Variants in ITPKB observed in about 807,000 individuals in gnomAD.
ITPKB encodes the protein inositol-trisphosphate 3-kinase B, also known as IP3 3-kinase B.
In ITPKB, 13 loss-of-function variants were observed where a neutral mutation model predicts 69.4. That is an observed-to-expected ratio of 0.19 (90% CI 0.12 to 0.30). The LOEUF (loss-of-function observed/expected upper bound fraction) is 0.30. Ranked by LOEUF, ITPKB falls within the 10% of genes least tolerant of loss-of-function variation. The pLI is 1.00. For missense variants in ITPKB, 1,240 were observed against 1,250.5 expected (o/e 0.99, Z 0.13); for synonymous variants, 584 against 513.7 (o/e 1.14, Z -1.85).
chr1:226,711,851 C>A (rs776605873), intron 2 of ITPKB, among the ~76,000 whole-genome samples: 2 of 152,190 alleles, frequency 1.3e-5, no homozygotes, highest in Non-Finnish European at 2.9e-5. Flanking sequence ...AGATGAGGGG[C>A]TTCCCTGTAG....
At chr1:226,687,350 C>T (rs758743584) in intron 2 of ITPKB, among the ~76,000 whole-genome samples, 6 of 152,170 alleles carry the variant, frequency 3.9e-5, no homozygotes, top group Non-Finnish European at 8.8e-5. Context: ...AAAAATCTCA[C>T]CCACTGTCCA....
intron 2 of ITPKB, among the ~76,000 whole-genome samples, chr1:226,657,854 C>T (rs1307044595): frequency 6.6e-6 from 1 of 152,164 alleles, no homozygotes; most frequent in Non-Finnish European, 1.5e-5. Context: ...CTATCTGCTT[C>T]CCCCCTATTT....
intron 2 of ITPKB, among the ~76,000 whole-genome samples, chr1:226,693,839 A>G (rs545361458): frequency 1.3e-5 from 2 of 152,340 alleles, no homozygotes; most frequent in East Asian, 1.9e-4. Flanking sequence ...AAAGCTCCAC[A>G]TCAACACTTT....
chr1:226,721,215 G>A (rs1461055663), intron 2 of ITPKB, among the ~76,000 whole-genome samples: 8 of 150,728 alleles, frequency 5.3e-5, no homozygotes, highest in South Asian at 4.2e-4. Flanking sequence ...AGGCGTGGTG[G>A]CACATGCCTG....
chr1:226,727,376 C>A (rs1657457689), intron 2 of ITPKB, among the ~76,000 whole-genome samples: 2 of 152,204 alleles, frequency 1.3e-5, no homozygotes, highest in African/African-American at 4.8e-5. Context: ...TTGCTGGGAA[C>A]TGCCTGGGGG....
intron 2 of ITPKB, among the ~76,000 whole-genome samples, chr1:226,671,339 C>T (rs974689250): frequency 2.6e-5 from 4 of 152,218 alleles, no homozygotes; most frequent in Non-Finnish European, 5.9e-5. Flanking sequence ...GAGTGAGCCC[C>T]TGAGGGCAGG....
chr1:226,676,564 C>T (rs759555980), intron 2 of ITPKB, among the ~76,000 whole-genome samples: 1 of 152,214 alleles, frequency 6.6e-6, no homozygotes, highest in Non-Finnish European at 1.5e-5. Flanking sequence ...ATGCCCTTCC[C>T]GGCTCCCAGG....
At chr1:226,669,768 A>G (rs536563284) in intron 2 of ITPKB, among the ~76,000 whole-genome samples, 2 of 152,358 alleles carry the variant, frequency 1.3e-5, no homozygotes, top group African/African-American at 2.4e-5. Flanking sequence ...CTCAGGTGCC[A>G]GTAGATAACC....
chr1:226,701,409 C>T (rs954990972), intron 2 of ITPKB, among the ~76,000 whole-genome samples: 1 of 151,652 alleles, frequency 6.6e-6, no homozygotes, highest in Non-Finnish European at 1.5e-5. Context: ...TCGAGACCAT[C>T]CTGGCTAACA....
intron 2 of ITPKB, among the ~76,000 whole-genome samples, chr1:226,700,487 A>C (rs981602114): frequency 1.8e-4 from 27 of 151,130 alleles, no homozygotes; most frequent in Admixed American, 9.9e-4. Flanking sequence ...AAAAAAAAAA[A>C]AAAAAAAAAC....
intron 7 of ITPKB, among the ~76,000 whole-genome samples, chr1:226,635,829 T>C (rs930863709): frequency 6.6e-6 from 1 of 152,246 alleles, no homozygotes; most frequent in Non-Finnish European, 1.5e-5. Flanking sequence ...TCAGAGCCTC[T>C]GCATGGGAGC....
chr1:226,701,166 G>T (rs1010820267), intron 2 of ITPKB, among the ~76,000 whole-genome samples: 3 of 152,192 alleles, frequency 2.0e-5, no homozygotes, highest in Non-Finnish European at 4.4e-5. Context: ...TGTGTGAGCC[G>T]CAGCAAGGCT....
chr1:226,701,401 G>C (rs1196336883), intron 2 of ITPKB, among the ~76,000 whole-genome samples: 1 of 151,566 alleles, frequency 6.6e-6, no homozygotes, highest in African/African-American at 2.4e-5. Context: ...TCAGGAGATC[G>C]AGACCATCCT....
chr1:226,722,257 G>T (rs1033700048), intron 2 of ITPKB, among the ~76,000 whole-genome samples: 1 of 152,184 alleles, frequency 6.6e-6, no homozygotes, highest in African/African-American at 2.4e-5. Flanking sequence ...ATGGATCCTT[G>T]GGGCTCCTTG....
At position 226,738,890 on chromosome 1, in the gene ITPKB, C is replaced by A. The variant is rs1469156408; in HGVS notation, c.-206+151G>T. Among the ~76,000 whole-genome samples, 7 of 152,206 alleles carry A rather than the reference C, an allele frequency of 4.6e-5. No individual in the cohort carries two copies. Among genetic ancestry groups the A allele is most frequent in the Non-Finnish European group, 8.8e-5 (6 of 68,018 alleles). On this transcript the variant is annotated intron_variant, in intron 1 of 7. Coordinates refer to ENST00000429204, the MANE Select transcript of ITPKB (RefSeq NM_002221.4). This position sits in a 1 kb window ranked among gnomAD's most constrained non-coding sequence, Gnocchi z 4.2. ...TTCTCCCCACCGCCACTCCATGTCA[C>A]CCTCCAAAATCAAACCCCCTTCCCT...
chr1:226,644,679 C>T (rs1202251879), intron 4 of ITPKB, among the ~76,000 whole-genome samples: 1 of 152,230 alleles, frequency 6.6e-6, no homozygotes, highest in Non-Finnish European at 1.5e-5. Flanking sequence ...CCCTTCTGCC[C>T]CCGCCATGCC....
At position 226,642,328 on chromosome 1, in the gene ITPKB, TTTTTTTTAGACAA is replaced by T. The variant is rs1269651871; in HGVS notation, c.2247-216_2247-204del. 1.3e-5 allele frequency among the ~76,000 whole-genome samples: 2 copies of T among 152,122 alleles called. No homozygotes were observed. Among genetic ancestry groups the T allele is most frequent in the Non-Finnish European group, 1.5e-5 (1 of 68,000 alleles). ...GGCTGGCTCTAATTTTTCTTTTCTT[TTTTTTTTAGACAA>T]TTTTTTTAGTAGATAAGGGAGTCTC... On this transcript the variant is annotated intron_variant, in intron 4 of 7. Transcript: ENST00000429204. This position sits in a 1 kb window ranked among gnomAD's most constrained non-coding sequence, Gnocchi z 6.4.
intron 7 of ITPKB, among the ~76,000 whole-genome samples, chr1:226,636,752 CTGTG>C (rs3831353): frequency 0.072 from 10,031 of 139,950 alleles, 453 homozygotes; most frequent in Admixed American, 0.15. Flanking sequence ...GACTGCAGCT[CTGTG>C]TGTGTGTGTG....
Position 226,642,163 on chromosome 1 carries a change from G to C in ITPKB, c.2247-38C>G. The stretch of plus-strand genomic sequence containing the variant: ...GAAGGCGACATGAGGGCCGAGGCCT[G>C]GGGCAGGGCTCACCAGCAGCTCCTT... On this transcript the variant is annotated intron_variant, in intron 4 of 7. Transcript: ENST00000429204. This position sits in a 1 kb window ranked among gnomAD's most constrained non-coding sequence, Gnocchi z 6.4. 6.4e-7 allele frequency: 1 copy of C among 1,553,056 alleles called. No individual in the cohort carries two copies. Among genetic ancestry groups the C allele is most frequent in the Non-Finnish European group, 8.8e-7 (1 of 1,135,146 alleles).
Sources: gnomAD v4.1 joint callset for allele counts (sites outside exome capture counted in the v4.1 genomes callset) on GRCh38, gnomAD v4.1.1 for gene constraint, Gnocchi (gnomAD v3.1) non-coding constraint, MANE v1.5 for transcripts, NCBI Gene and HGNC (gene_info 2026-07-23, HGNC 2026-07-21) for gene names.